FARP2: variants seen among roughly 807,000 people sequenced by gnomAD.
The protein encoded by FARP2 is FERM, ARH/RhoGEF and pleckstrin domain protein 2.
FARP2 carries 111 observed loss-of-function variants against 130.5 expected under a neutral mutation model. The observed-to-expected ratio is 0.85, with a 90% confidence interval of 0.73 to 1.00. FARP2 has a LOEUF of 1.00. FARP2 is among the 50% of genes least tolerant of loss of function. FARP2 has a pLI of 0.00. For missense variants in FARP2, 1,385 were observed against 1,346.3 expected, an observed-to-expected ratio of 1.03 and a Z score of -0.45; for synonymous variants, 504 against 516.9, an observed-to-expected ratio of 0.98 and a Z score of 0.34.
At chr2:241,463,066 AAGTC>A (rs1249771552) in intron 15 of FARP2, among the ~76,000 whole-genome samples, 1 of 152,200 alleles carries the variant, frequency 6.6e-6, no homozygotes, top group African/African-American at 2.4e-5. Context: ...AAACTATTCT[AAGTC>A]AGGTCAGAAC....
At chr2:241,483,572 G>A (rs1157170051) in intron 20 of FARP2, 39 bp downstream of exon 20, 5 of 1,591,276 alleles carry the variant, frequency 3.1e-6, no homozygotes, top group Non-Finnish European at 4.3e-6. Context: ...TTCCCCCCGA[G>A]GGGGATGGGC....
At chr2:241,392,166 G>A (rs370078061) in intron 2 of FARP2, among the ~76,000 whole-genome samples, 2 of 152,234 alleles carry the variant, frequency 1.3e-5, no homozygotes, top group Admixed American at 6.5e-5. Context: ...CAGTGGGACC[G>A]GAATGCCAGT....
intron 5 of FARP2, among the ~76,000 whole-genome samples, chr2:241,409,004 A>G (rs535431376): frequency 5.3e-5 from 8 of 151,564 alleles, no homozygotes; most frequent in African/African-American, 1.9e-4. Context: ...TTTTGAGGGA[A>G]TCACTTTTAA....
chr2:241,421,566 A>T (rs1215416945), intron 8 of FARP2, among the ~76,000 whole-genome samples: 1 of 152,164 alleles, frequency 6.6e-6, no homozygotes, highest in Non-Finnish European at 1.5e-5. Context: ...TGGAGTCTGG[A>T]TAAGGAAGAG....
At chr2:241,454,353 G>A (rs1056967840) in intron 13 of FARP2, among the ~76,000 whole-genome samples, 1 of 152,206 alleles carries the variant, frequency 6.6e-6, no homozygotes, top group Non-Finnish European at 1.5e-5. Flanking sequence ...GAAGGCCGAC[G>A]CTGACTTCCA....
intron 2 of FARP2, among the ~76,000 whole-genome samples, chr2:241,375,832 A>T (rs2061523248): frequency 6.6e-6 from 1 of 151,884 alleles, no homozygotes; most frequent in Non-Finnish European, 1.5e-5. Context: ...GACTCAAGTG[A>T]TCCTCCTGCC....
At chr2:241,424,880 T>C (rs10167707) in intron 8 of FARP2, among the ~76,000 whole-genome samples, 115,755 of 151,994 alleles carry the variant, frequency 0.76, 44,324 homozygotes, top group Middle Eastern at 0.85. Context: ...ACACATACGC[T>C]CTCCCAAGAC....
chr2:241,462,406 C>A, intron 14 of FARP2, 117 bp from the exon 15 acceptor site: 1 of 660,870 alleles, frequency 1.5e-6, no homozygotes, highest in Non-Finnish European at 2.7e-6. Context: ...AGGTGAAAAC[C>A]CCATGACGAT....
At chr2:241,406,175 G>T (rs531183952) in intron 4 of FARP2, among the ~76,000 whole-genome samples, 1 of 150,980 alleles carries the variant, frequency 6.6e-6, no homozygotes, top group South Asian at 2.1e-4. Flanking sequence ...GGGCATGGTG[G>T]GGGGCGCCTG....
At chr2:241,396,284 C>T (rs2062025738) in intron 2 of FARP2, among the ~76,000 whole-genome samples, 1 of 152,190 alleles carries the variant, frequency 6.6e-6, no homozygotes, top group Non-Finnish European at 1.5e-5. Flanking sequence ...GCAAGGACTT[C>T]ATTTCTAAAA....
chr2:241,455,092 G>A (rs115005869), intron 13 of FARP2, among the ~76,000 whole-genome samples: 12 of 152,326 alleles, frequency 7.9e-5, no homozygotes, highest in South Asian at 4.1e-4. Flanking sequence ...TAATCTGCCT[G>A]TACACTTACA....
intron 5 of FARP2, among the ~76,000 whole-genome samples, chr2:241,408,695 G>A (rs112369426): frequency 1.3e-5 from 2 of 152,114 alleles, no homozygotes; most frequent in African/African-American, 4.8e-5. Context: ...CCCAAAATTA[G>A]ATATAAAAGA....
At chr2:241,464,126 A>G (rs1559796699) in intron 17 of FARP2, 146 bp downstream of exon 17, 2 of 643,512 alleles carry the variant, frequency 3.1e-6, no homozygotes, top group East Asian at 2.9e-5. Context: ...GTCTCCTTAG[A>G]ACAGGGCCCC....
chr2:241,478,403 C>T (rs951999349), intron 19 of FARP2: 2 of 236,910 alleles, frequency 8.4e-6, no homozygotes, highest in South Asian at 5.4e-5. Flanking sequence ...CTCAGAGTGC[C>T]GTGGCCCAGC....
Position 241,491,086 on chromosome 2 carries a change from A to T in FARP2, c.2530A>T (p.Met844Leu), listed in dbSNP as rs150786024. 2.4e-3 allele frequency: 3,887 copies of T among 1,613,510 alleles called. 9 individuals carry two copies. The highest frequency in any genetic ancestry group is 3.1e-3 in the Non-Finnish European group (3,619 of 1,179,938). The change falls in exon 23 of 27, where the codon ATG (methionine) becomes TTG (leucine). Residue 844 changes from methionine (M) to leucine (L), a missense_variant. Coordinates refer to ENST00000264042, the MANE Select transcript of FARP2 (RefSeq NM_014808.4). The part of the protein sequence containing the change: ...ASTRLEKEKW[M>L]LDLNSAIQAA... ...CACTCGGCTGGAGAAAGAGAAGTGG[A>T]TGCTGGACCTGAACTCCGCGATCCA...
intron 26 of FARP2, chr2:241,493,769 G>C (rs555993692): frequency 6.4e-6 from 3 of 471,092 alleles, no homozygotes; most frequent in Non-Finnish European, 1.1e-5. Flanking sequence ...GCTAATTTTT[G>C]TATTTTTAGT....
At chr2:241,493,143 G>A in intron 25 of FARP2, 107 bp downstream of exon 25, 1 of 1,150,918 alleles carries the variant, frequency 8.7e-7, no homozygotes, top group East Asian at 2.4e-5. Context: ...CCCATGCTTT[G>A]CCCACACACC....
At chr2:241,380,440 C>T (rs1376557540) in intron 2 of FARP2, among the ~76,000 whole-genome samples, 1 of 152,066 alleles carries the variant, frequency 6.6e-6, no homozygotes. Context: ...TTATTTGATT[C>T]GTGGGAGGCT....
At chr2:241,407,831 G>A (rs1324196269) in intron 5 of FARP2, among the ~76,000 whole-genome samples, 1 of 152,098 alleles carries the variant, frequency 6.6e-6, no homozygotes, top group Non-Finnish European at 1.5e-5. Flanking sequence ...GTACAAATTT[G>A]AAAATAAAAA....
Sources: gnomAD v4.1 joint callset for allele counts (sites outside exome capture counted in the v4.1 genomes callset) on GRCh38, gnomAD v4.1.1 for gene constraint, MANE v1.5 for transcripts, NCBI Gene and HGNC (gene_info 2026-07-23, HGNC 2026-07-21) for gene names.